Variants in RBCK1 observed in about 807,000 individuals in gnomAD.
RBCK1 encodes RANBP2-type and C3HC4-type zinc finger containing 1, also known as ranBP-type and C3HC4-type zinc finger-containing protein 1.
Under a neutral mutation model 71.1 loss-of-function variants are expected in RBCK1, and 44 were observed. The observed-to-expected ratio is 0.62, with a 90% CI of 0.49 to 0.80. The LOEUF is 0.80. RBCK1 is among the 30% of genes least tolerant of loss of function. RBCK1 has a pLI of 0.00. For synonymous variants in RBCK1, 306 were observed against 279.7 expected, an observed-to-expected ratio of 1.09 and a Z score of -0.94; for missense variants, 569 against 685.0, an observed-to-expected ratio of 0.83 and a Z score of 1.89.
At chr20:411,483 T>C (rs1453766014) in intron 2 of RBCK1, among the ~76,000 whole-genome samples, 3 of 152,184 alleles carry the variant, frequency 2.0e-5, no homozygotes, top group Admixed American at 6.5e-5. Context: ...TTCTCCTGCC[T>C]CAGCTTCCCG....
rs2016040306 is a variant in RBCK1 at position 417,228 on chromosome 20, G to A, written c.168-298G>A. 1 of 608,180 alleles carries A rather than the reference G, an allele frequency of 1.6e-6. No individual in the cohort carries two copies. Among genetic ancestry groups the A allele is most frequent in the African/African-American group, 1.8e-5 (1 of 55,290 alleles). 37.7% of individuals were successfully genotyped at this position (608,180 alleles called of 1,614,324 possible). On this transcript the variant is annotated intron_variant, in intron 2 of 11. Transcript: ENST00000356286. This position sits in a 1 kb window ranked among gnomAD's most constrained non-coding sequence, Gnocchi z 4.7. ...CTGGTGGTTTCACTAAGGAGCAGGG[G>A]AGAGAAGACAGAAGAGGTTGGAGAG...
intron 4 of RBCK1, among the ~76,000 whole-genome samples, chr20:418,454 C>A (rs977621489): frequency 2.0e-5 from 3 of 152,088 alleles, no homozygotes; most frequent in Admixed American, 6.5e-5. Context: ...CTGCAAGCTC[C>A]GACTCCCGGG....
rs149552051 is a variant in RBCK1, at chr20:411,940, G to A, written c.167+1915G>A. Among the ~76,000 whole-genome samples, 1,016 of 152,304 alleles carry A rather than the reference G, an allele frequency of 6.7e-3. 4 individuals are homozygous for A. Among genetic ancestry groups the A allele is most frequent in the Non-Finnish European group, 0.011 (746 of 68,040 alleles). On this transcript the variant is annotated intron_variant, in intron 2 of 11. Coordinates refer to ENST00000356286, the MANE Select transcript of RBCK1 (RefSeq NM_031229.4). Reference sequence around the variant, plus strand: ...TTTGGCTATTATAAACAATGCTGCCGTGAACATTTGTGTCCAACTTTTTGT... The same window carrying A: ...TTTGGCTATTATAAACAATGCTGCCATGAACATTTGTGTCCAACTTTTTGT...
intron 11 of RBCK1, 75 bp downstream of exon 11, chr20:429,169 C>T (rs1265127337): frequency 2.4e-5 from 37 of 1,533,374 alleles, no homozygotes; most frequent in Middle Eastern, 3.8e-4. Flanking sequence ...GGGAAAACTA[C>T]AGCCCATGGG....
In RBCK1 at chr20:419,430, G is replaced by A. The variant is rs1366170905; in HGVS notation, c.544G>A (p.Gly182Arg). ...PPKPGVPQEP[G>R]RGQPDAVPEP... ...AAAGCCCGGGGTCCCCCAGGAACCCGGACGGGGGCAGCCAGATGCAGTGCC... is the reference window on the plus strand; with the variant it reads ...AAAGCCCGGGGTCCCCCAGGAACCCAGACGGGGGCAGCCAGATGCAGTGCC... The change falls in exon 5 of 12, where the codon GGA (glycine) becomes AGA (arginine). Residue 182 changes from glycine to arginine, a missense_variant. Gly to Arg is a moderately radical substitution (Grantham distance 125). Around this residue, in one of 2 missense-constraint regions of RBCK1, gnomAD observed 358 missense variants for 375.6 expected, o/e 0.95. Coordinates refer to ENST00000356286, the MANE Select transcript of RBCK1 (RefSeq NM_031229.4). 2 of 1,608,340 alleles carry A rather than the reference G, an allele frequency of 1.2e-6. No homozygotes were observed. The highest frequency in any genetic ancestry group is 1.3e-5 in the African/African-American group (1 of 74,806).
At position 408,639 on chromosome 20, in the gene RBCK1, C is replaced by T. The variant is rs2015511565; in HGVS notation, c.-119C>T. On this transcript the variant is annotated 5_prime_UTR_variant, in exon 1 of 12. Coordinates refer to ENST00000356286, the MANE Select transcript of RBCK1 (RefSeq NM_031229.4). Reference sequence around the variant, plus strand: ...AGGCACACACAGGGCTTGGGCCGCGCCGGAGGCCACACGGCCTGGCTGAGT... The same window carrying T: ...AGGCACACACAGGGCTTGGGCCGCGTCGGAGGCCACACGGCCTGGCTGAGT... 2 of 1,359,934 alleles carry T rather than the reference C, an allele frequency of 1.5e-6. No homozygotes were observed. Among genetic ancestry groups the T allele is most frequent in the African/African-American group, 1.4e-5 (1 of 69,778 alleles). 84.2% of individuals were successfully genotyped at this position (1,359,934 alleles called of 1,614,324 possible).
chr20:426,816 C>CT (rs768525416), intron 8 of RBCK1, among the ~76,000 whole-genome samples: 2,021 of 95,440 alleles, frequency 0.021, 207 homozygotes, highest in African/African-American at 0.047. Flanking sequence ...TTTTCTTTTC[C>CT]TTTTTTTTTT....
intron 6 of RBCK1, chr20:420,127 G>A (rs2016293701): frequency 1.0e-6 from 1 of 984,832 alleles, no homozygotes; most frequent in Admixed American, 6.2e-5. Context: ...TGTGACCTAA[G>A]CCTGCTCCAC....
Position 417,593 on chromosome 20 carries a change from A to G in RBCK1, c.235A>G (p.Met79Val). The G allele has an allele frequency of 2.5e-6, 4 of 1,613,948 alleles. No homozygotes were observed. The highest frequency in any genetic ancestry group is 2.2e-5 in the East Asian group (1 of 44,878). ...CATCTGGCTCACAGTGCGCCCTGAT[A>G]TGACAGTGGCGTCTCTCAAGGACAT... ...VTIWLTVRPD[M>V]TVASLKDMVF... The change falls in exon 3 of 12, where the codon ATG becomes GTG. Residue 79 changes from methionine (M) to valine (V), a missense_variant. Met to Val is a conservative substitution (Grantham distance 21). Around this residue, in one of 2 missense-constraint regions of RBCK1, gnomAD observed 358 missense variants for 375.6 expected, o/e 0.95. Coordinates refer to ENST00000356286, the MANE Select transcript of RBCK1 (RefSeq NM_031229.4). The surrounding 1 kb of genome is among the most constrained non-coding windows in gnomAD (Gnocchi z 4.7).
Position 430,722 on chromosome 20 carries a change from A to C in RBCK1, c.*292A>C, listed in dbSNP as rs1045368. 1 of 450,632 alleles carries C rather than the reference A, an allele frequency of 2.2e-6. No homozygotes were observed. Among genetic ancestry groups the C allele is most frequent in the Non-Finnish European group, 4.1e-6 (1 of 246,090 alleles). The allele number at this position is 450,632 out of a possible 1,614,324, so 27.9% of individuals were successfully genotyped here. On this transcript the variant is annotated 3_prime_UTR_variant, in exon 12 of 12. Transcript: ENST00000356286. The surrounding 1 kb of genome is among the most constrained non-coding windows in gnomAD (Gnocchi z 5.6). ...CTCTGTGTGACTCCATACTCCTCCC[A>C]CCACAACACTCATCTGTCAAACACC...
At chr20:410,386 C>G (rs767237519) in intron 2 of RBCK1, 1 of 778,510 alleles carries the variant, frequency 1.3e-6, no homozygotes, top group Admixed American at 1.7e-5. Flanking sequence ...TATTGTTTCT[C>G]TCACCATTCT....
In RBCK1 at chr20:428,520, G is replaced by A. The variant is rs375154473; in HGVS notation, c.1239G>A (p.Glu413=). The A allele has an allele frequency of 3.1e-6, 5 of 1,611,994 alleles. No individual in the cohort carries two copies. The highest frequency in any genetic ancestry group is 1.7e-5 in the Admixed American group (1 of 59,722). The change falls in exon 10 of 12, where the codon GAG becomes GAA. Residue 413 remains glutamate, a synonymous_variant. Coordinates refer to ENST00000356286, the MANE Select transcript of RBCK1 (RefSeq NM_031229.4). This position sits in a 1 kb window ranked among gnomAD's most constrained non-coding sequence, Gnocchi z 5.7. The part of the protein sequence containing the change: ...KAIHEQMNCK[E]YQEDLALRAQ... ...TCCATGAGCAGATGAACTGCAAGGA[G>A]TATCAGGAGGACCTGGCCCTGCGGG...
rs148046322 is a variant in RBCK1, at chr20:421,199, G to C, written c.917+168G>C. 1.9e-3 allele frequency among the ~76,000 whole-genome samples: 282 copies of C among 152,334 alleles called. 1 individual carries two copies. Among genetic ancestry groups the C allele is most frequent in the African/African-American group, 5.9e-3 (246 of 41,582 alleles). On this transcript the variant is annotated intron_variant, in intron 7 of 11. Coordinates refer to ENST00000356286, the MANE Select transcript of RBCK1 (RefSeq NM_031229.4). The stretch of plus-strand genomic sequence containing the variant: ...TTGCGGACGAGGAACCTGAGGGAAA[G>C]AGAGGCCCAGCGCCTTACCCCAGGC...
In RBCK1 at chr20:419,324, C is replaced by T. The variant is rs545105196; in HGVS notation, c.461-23C>T. On this transcript the variant is annotated intron_variant, in intron 4 of 11. Transcript: ENST00000356286. The stretch of plus-strand genomic sequence containing the variant: ...GACCAAGTGGGCCGCGTGGAACCAC[C>T]ACCCTTTAACCCTCCTCCACAGATC... 14 of 1,611,190 alleles carry T rather than the reference C, an allele frequency of 8.7e-6. No individual in the cohort carries two copies. The East Asian group carries it at 2.9e-4, about 33-fold the overall frequency.
chr20:410,004 T>C lies in RBCK1; in HGVS notation c.146T>C (p.Val49Ala), dbSNP rs2015609266. The C allele has an allele frequency of 1.9e-6, 3 of 1,613,780 alleles. No individual in the cohort carries two copies. The highest frequency in any genetic ancestry group is 2.5e-6 in the Non-Finnish European group (3 of 1,179,892). Residue 49 changes from valine (V) to alanine (A), a missense_variant, in exon 2 of 12, where the codon GTC becomes GCC. Physicochemically the swap from Val to Ala is moderately conservative, Grantham distance 64. This residue lies in a region of RBCK1 where 358 missense variants were observed against 375.6 expected (regional missense o/e 0.95). Coordinates refer to ENST00000356286, the MANE Select transcript of RBCK1 (RefSeq NM_031229.4). ...VPLSVQLKPE[V>A]SPTQDIRLWV... is the part of the protein sequence containing the mutation. Reference sequence around the variant, plus strand: ...CTGAGTGTGCAACTGAAGCCTGAGGTCTCCCCAACGCAGGACATCAGGTGA... The same window carrying C: ...CTGAGTGTGCAACTGAAGCCTGAGGCCTCCCCAACGCAGGACATCAGGTGA...
chr20:410,380 G>T, intron 2 of RBCK1: 2 of 777,840 alleles, frequency 2.6e-6, no homozygotes, highest in Non-Finnish European at 4.8e-6. Context: ...GGCTCATATT[G>T]TTTCTCTCAC....
In RBCK1 at chr20:419,563, C is replaced by T. The variant is rs1488242515; in HGVS notation, c.588C>T (p.Gly196=). Residue 196 remains glycine (G), a synonymous_variant, in exon 6 of 12, where the codon GGC becomes GGT. Coordinates refer to ENST00000356286, the MANE Select transcript of RBCK1 (RefSeq NM_031229.4). ...ACAGCACCCTCTGCTCCCAGGTGGG[C>T]TGGCAGTGCCCCGGGTGCACCTTCA... ...PDAVPEPPPV[G]WQCPGCTFIN... 3 of 1,605,948 alleles carry T rather than the reference C, an allele frequency of 1.9e-6. No homozygotes were observed. The highest frequency in any genetic ancestry group is 2.7e-5 in the African/African-American group (2 of 74,812).
rs878914446 is a variant in RBCK1 at position 422,327 on chromosome 20, CTT to C, written c.1029+100_1029+101del. On this transcript the variant is annotated intron_variant, in intron 8 of 11. Transcript: ENST00000356286. The surrounding 1 kb of genome is among the most constrained non-coding windows in gnomAD (Gnocchi z 5.0). The stretch of plus-strand genomic sequence containing the variant: ...GGCAGCAGACATCTTTCTTTTCTTT[CTT>C]TTTTTTTTTTGGAGATGGGGTCTCA... 1,618 of 865,030 alleles carry C rather than the reference CTT, an allele frequency of 1.9e-3. No individual in the cohort carries two copies. Among genetic ancestry groups the C allele is most frequent in the South Asian group, 2.4e-3 (139 of 57,900 alleles). 53.6% of individuals were successfully genotyped at this position (865,030 alleles called of 1,614,324 possible). A position where few individuals can be genotyped will look rare whatever the true frequency, so the allele number is the denominator to read the frequency against.
At chr20:429,205 T>G in intron 11 of RBCK1, 111 bp downstream of exon 11, 1 of 1,416,706 alleles carries the variant, frequency 7.1e-7, no homozygotes, top group Non-Finnish European at 9.3e-7. Flanking sequence ...CACCTGAATT[T>G]GTACAGCTCC....
Sources: gnomAD v4.1 joint callset for allele counts (sites outside exome capture counted in the v4.1 genomes callset) on GRCh38, gnomAD v4.1.1 for gene constraint, gnomAD v4.1.1 regional missense constraint, Gnocchi (gnomAD v3.1) non-coding constraint, MANE v1.5 for transcripts, NCBI Gene and HGNC (gene_info 2026-07-23, HGNC 2026-07-21) for gene names.